Variants in PDK3 observed in about 807,000 individuals in gnomAD.
PDK3 encodes the protein pyruvate dehydrogenase kinase 3.
A neutral mutation model predicts 32.0 loss-of-function variants in PDK3; 12 were observed. The ratio of observed to expected loss-of-function variants is 0.37; its 90% confidence interval spans 0.24 to 0.61. PDK3 has a LOEUF of 0.61. PDK3 is among the 20% of genes least tolerant of loss of function. The probability of loss-of-function intolerance (pLI) is 0.65; values close to 1 mark genes in which losing one functional copy is unlikely to be tolerated. For missense variants in PDK3, 188 were observed against 316.9 expected, an observed-to-expected ratio of 0.59 and a Z score of 3.09; for synonymous variants, 122 against 116.3, an observed-to-expected ratio of 1.05 and a Z score of -0.31.
At chrX:24,508,550 C>T (rs368280062) in intron 5 of PDK3, among the ~76,000 whole-genome samples, 6 of 110,790 alleles carry the variant, frequency 5.4e-5, no homozygotes, top group Admixed American at 2.9e-4. Flanking sequence ...TAGAACAGAG[C>T]GATTAAGTGG....
At chrX:24,505,418 G>C in intron 5 of PDK3, 120 bp downstream of exon 5, 1 of 446,378 alleles carries the variant, frequency 2.2e-6, no homozygotes, top group Non-Finnish European at 3.8e-6. Context: ...GTCACTCTGG[G>C]CCCAAGCCAC....
chrX:24,497,678 G>T (rs899477315), intron 2 of PDK3, among the ~76,000 whole-genome samples: 2 of 112,935 alleles, frequency 1.8e-5, no homozygotes, highest in Non-Finnish European at 3.7e-5. Context: ...GAATCAAGTG[G>T]CATTCTCATT....
At chrX:24,514,919 G>T (rs745761077) in intron 5 of PDK3, among the ~76,000 whole-genome samples, 7 of 111,474 alleles carry the variant, frequency 6.3e-5, no homozygotes, top group Non-Finnish European at 9.4e-5. Context: ...TTTTAAATTT[G>T]GTAACGAATC....
chrX:24,520,373 T>C (rs2148198679), intron 6 of PDK3, among the ~76,000 whole-genome samples: 1 of 111,659 alleles, frequency 9.0e-6, no homozygotes, highest in African/African-American at 3.2e-5. Flanking sequence ...AAATAATGCT[T>C]TAAACGAATA....
intron 10 of PDK3, among the ~76,000 whole-genome samples, chrX:24,533,139 C>CTT (rs35816110): frequency 8.6e-5 from 8 of 93,080 alleles, no homozygotes; most frequent in African/African-American, 1.5e-4. Flanking sequence ...CTTTCTTTTT[C>CTT]TTTTTTTTTT....
Position 24,508,319 on chromosome X carries a change from A to T in PDK3, c.595+3021A>T, listed in dbSNP as rs757206428. Among the ~76,000 whole-genome samples the T allele has an allele frequency of 2.7e-5, 3 of 111,473 alleles. No individual in the cohort carries two copies. In the South Asian group the frequency reaches 1.1e-3, roughly 43 times the overall value. ...TGCCCCCATGATCCAATCACCTCCCACAAGGCCCCACCGCCAACACTCAGG... is the reference window on the plus strand; with the variant it reads ...TGCCCCCATGATCCAATCACCTCCCTCAAGGCCCCACCGCCAACACTCAGG... On this transcript the variant is annotated intron_variant, in intron 5 of 10. Coordinates refer to ENST00000379162, the MANE Select transcript of PDK3 (RefSeq NM_005391.5).
intron 1 of PDK3, among the ~76,000 whole-genome samples, chrX:24,492,504 G>A (rs1279944856): frequency 1.8e-5 from 2 of 110,737 alleles, no homozygotes; most frequent in East Asian, 2.8e-4. Context: ...CACGAGAGCC[G>A]CTTGAACCTG....
chrX:24,500,099 T>A (rs1921816064), intron 3 of PDK3, among the ~76,000 whole-genome samples: 1 of 111,358 alleles, frequency 9.0e-6, no homozygotes, highest in Non-Finnish European at 1.9e-5. Context: ...TAGAACAAAT[T>A]TGTAGAAGTA....
chrX:24,543,208 GT>G (rs1922926994), exon 12 of PDK3, among the ~76,000 whole-genome samples: 1 of 112,010 alleles, frequency 8.9e-6, no homozygotes, highest in Non-Finnish European at 1.9e-5. Context: ...TTTTGTATCA[GT>G]TTAGTCTGTT....
At chrX:24,491,292 A>C (rs1238323858) in intron 1 of PDK3, among the ~76,000 whole-genome samples, 3 of 110,016 alleles carry the variant, frequency 2.7e-5, no homozygotes, top group African/African-American at 6.6e-5. Flanking sequence ...AAAAAAAAAA[A>C]AGAAAAAAGA....
intron 10 of PDK3, among the ~76,000 whole-genome samples, chrX:24,533,147 T>C (rs1169954140): frequency 2.4e-4 from 25 of 104,943 alleles, no homozygotes; most frequent in African/African-American, 8.3e-4. Flanking sequence ...TTCTTTTTTT[T>C]TTTTTTTGAG....
At chrX:24,518,837 G>GCACACACACA in intron 5 of PDK3, 96 bp from the exon 6 acceptor site, 2 of 380,537 alleles carry the variant, frequency 5.3e-6, no homozygotes, top group Non-Finnish European at 9.3e-6. Context: ...ATGCACATGT[G>GCACACACACA]CACACACACA....
intron 1 of PDK3, among the ~76,000 whole-genome samples, chrX:24,483,838 C>T (rs907201512): frequency 2.7e-5 from 3 of 109,826 alleles, no homozygotes; most frequent in Non-Finnish European, 3.8e-5. Flanking sequence ...TCTCAGCCTC[C>T]GAGTACCTGG....
At chrX:24,540,535 C>A (rs1275607555) in exon 12 of PDK3, among the ~76,000 whole-genome samples, 1 of 112,023 alleles carries the variant, frequency 8.9e-6, no homozygotes, top group East Asian at 2.8e-4. Context: ...TGTGCTTTGA[C>A]CAGCTGCATG....
intron 1 of PDK3, among the ~76,000 whole-genome samples, chrX:24,474,980 G>A (rs754303536): frequency 9.0e-6 from 1 of 111,657 alleles, no homozygotes; most frequent in South Asian, 3.7e-4. Flanking sequence ...AGATACTTTG[G>A]TTCCAAATGA....
intron 1 of PDK3, among the ~76,000 whole-genome samples, chrX:24,491,087 C>T (rs1160748546): frequency 3.7e-5 from 4 of 108,933 alleles, no homozygotes; most frequent in African/African-American, 6.7e-5. Flanking sequence ...CCGAGGTGGG[C>T]GGATCACCTG....
intron 5 of PDK3, among the ~76,000 whole-genome samples, chrX:24,516,163 C>G (rs1181305850): frequency 9.0e-6 from 1 of 111,327 alleles, no homozygotes; most frequent in Non-Finnish European, 1.9e-5. Context: ...TTACTTTTCC[C>G]CCTTTGCTTC....
At chrX:24,490,253 C>T (rs767271156) in intron 1 of PDK3, among the ~76,000 whole-genome samples, 1 of 111,964 alleles carries the variant, frequency 8.9e-6, no homozygotes, top group African/African-American at 3.2e-5. Flanking sequence ...GCTAGGATTA[C>T]GGGCGTGAGC....
chrX:24,513,990 C>T (rs1922190963), intron 5 of PDK3, among the ~76,000 whole-genome samples: 1 of 111,575 alleles, frequency 9.0e-6, no homozygotes, highest in Admixed American at 9.6e-5. Context: ...GACCTTGGCA[C>T]CTTCCTTTTA....
Sources: allele counts gnomAD v4.1 joint callset (sites outside exome capture counted in the v4.1 genomes callset), GRCh38; gene constraint gnomAD v4.1.1; transcripts MANE v1.5; gene names NCBI Gene and HGNC (gene_info 2026-07-23, HGNC 2026-07-21).